The following IL1RAPL1 variants were observed in gnomAD, a reference collection of about 807,000 sequenced individuals.
IL1RAPL1 encodes the protein interleukin 1 receptor accessory protein like 1, also known as interleukin-1 receptor accessory protein-like 1.
A neutral mutation model predicts 48.4 loss-of-function variants in IL1RAPL1; 3 were observed. The ratio of observed to expected loss-of-function variants is 0.06; its 90% CI spans 0.03 to 0.16. IL1RAPL1 has a LOEUF of 0.16. IL1RAPL1 is among the 10% of genes least tolerant of loss of function. The pLI, the probability that IL1RAPL1 is intolerant of heterozygous loss-of-function variation, is 1.00. For synonymous variants in IL1RAPL1, 185 were observed against 187.7 expected (o/e 0.99, Z 0.12); for missense variants, 349 against 530.6 (o/e 0.66, Z 3.36).
chrX:29,120,015 C>T (rs1043024094), intron 2 of IL1RAPL1, among the ~76,000 whole-genome samples: 42 of 111,365 alleles, frequency 3.8e-4, no homozygotes, highest in African/African-American at 1.3e-3. Context: ...AATTCCACCC[C>T]GCTCTGGCCA....
chrX:28,951,155 G>T (rs928689277), intron 2 of IL1RAPL1, among the ~76,000 whole-genome samples: 1 of 98,528 alleles, frequency 1.0e-5, no homozygotes, highest in Non-Finnish European at 2.0e-5. Flanking sequence ...ATAGCATTGG[G>T]AGATATACCT....
intron 2 of IL1RAPL1, among the ~76,000 whole-genome samples, chrX:28,841,748 A>G (rs1204581633): frequency 9.0e-6 from 1 of 110,729 alleles, no homozygotes; most frequent in African/African-American, 3.3e-5. Context: ...ACAAAAGGCC[A>G]AGTCTGGAAT....
intron 2 of IL1RAPL1, among the ~76,000 whole-genome samples, chrX:29,225,460 C>G (rs1182872718): frequency 8.9e-6 from 1 of 111,862 alleles, no homozygotes; most frequent in Non-Finnish European, 1.9e-5. Flanking sequence ...TGTTAAACTG[C>G]AAATTCGGAT....
chrX:29,937,915 C>T (rs146253529), intron 8 of IL1RAPL1, among the ~76,000 whole-genome samples: 1,487 of 111,233 alleles, frequency 0.013, 21 homozygotes, highest in African/African-American at 0.045. Context: ...TATCTATGGC[C>T]CAGAAGAATT....
chrX:28,728,121 A>C (rs1389622447), intron 1 of IL1RAPL1, among the ~76,000 whole-genome samples: 1 of 111,843 alleles, frequency 8.9e-6, no homozygotes, highest in African/African-American at 3.2e-5. Context: ...TAGAGTGTAT[A>C]TGAGATTATG....
intron 1 of IL1RAPL1, among the ~76,000 whole-genome samples, chrX:28,770,234 C>T (rs991570435): frequency 1.8e-5 from 2 of 111,523 alleles, no homozygotes; most frequent in African/African-American, 6.5e-5. Context: ...TGGGGAGGAT[C>T]TAGTTTTGAT....
At chrX:29,777,340 G>A (rs747827962) in intron 6 of IL1RAPL1, among the ~76,000 whole-genome samples, 8 of 112,167 alleles carry the variant, frequency 7.1e-5, no homozygotes, top group Non-Finnish European at 1.5e-4. Context: ...TGCCTTGAAA[G>A]CAAGGGCAAA....
chrX:29,437,245 C>T (rs977551980), intron 5 of IL1RAPL1, among the ~76,000 whole-genome samples: 13 of 110,475 alleles, frequency 1.2e-4, no homozygotes, highest in Admixed American at 1.1e-3. Context: ...CAATACATAG[C>T]TGTTAATAAT....
intron 3 of IL1RAPL1, among the ~76,000 whole-genome samples, chrX:29,289,307 G>A (rs779444748): frequency 1.1e-4 from 12 of 112,248 alleles, no homozygotes; most frequent in Non-Finnish European, 2.3e-4. Flanking sequence ...TGGATGTCCA[G>A]TTGTCCCAGC....
At chrX:29,226,201 T>A (rs1234844705) in intron 2 of IL1RAPL1, among the ~76,000 whole-genome samples, 2 of 111,824 alleles carry the variant, frequency 1.8e-5, no homozygotes, top group Admixed American at 1.9e-4. Context: ...AGTTGTTGTG[T>A]ACAATATTTA....
At chrX:29,485,194 C>T (rs143730421) in intron 5 of IL1RAPL1, among the ~76,000 whole-genome samples, 1,205 of 111,685 alleles carry the variant, frequency 0.011, 6 homozygotes, top group Non-Finnish European at 0.016. Context: ...AAGTATTTTA[C>T]TTTATTATAA....
intron 6 of IL1RAPL1, among the ~76,000 whole-genome samples, chrX:29,716,200 A>G (rs1333433508): frequency 5.4e-5 from 6 of 111,423 alleles, no homozygotes; most frequent in Non-Finnish European, 1.1e-4. Flanking sequence ...TGTCCCTTCA[A>G]ATTTGTCCAG....
At chrX:29,248,155 C>A (rs764003213) in intron 2 of IL1RAPL1, among the ~76,000 whole-genome samples, 1 of 112,077 alleles carries the variant, frequency 8.9e-6, no homozygotes, top group South Asian at 3.8e-4. Context: ...GTGGCTCACA[C>A]TAGTAATCCC....
chrX:29,024,990 C>T (rs1322625059), intron 2 of IL1RAPL1, among the ~76,000 whole-genome samples: 1 of 111,537 alleles, frequency 9.0e-6, no homozygotes, highest in African/African-American at 3.2e-5. Flanking sequence ...CAGCCCTAGG[C>T]AACCACTAAT....
intron 5 of IL1RAPL1, among the ~76,000 whole-genome samples, chrX:29,425,798 C>T (rs1419068826): frequency 9.1e-6 from 1 of 110,278 alleles, no homozygotes; most frequent in Non-Finnish European, 1.9e-5. Flanking sequence ...TAATCTCGAA[C>T]TCCTGGGCTC....
At chrX:29,036,938 T>C (rs1039099080) in intron 2 of IL1RAPL1, among the ~76,000 whole-genome samples, 50 of 112,035 alleles carry the variant, frequency 4.5e-4, no homozygotes, top group Non-Finnish European at 8.3e-4. Context: ...AATATTGTAT[T>C]ACTCGAAACA....
intron 2 of IL1RAPL1, among the ~76,000 whole-genome samples, chrX:29,087,382 C>T (rs1226201622): frequency 9.1e-6 from 1 of 110,236 alleles, no homozygotes; most frequent in Non-Finnish European, 1.9e-5. Context: ...GTGATCTGCC[C>T]GCCTCGGCCT....
intron 1 of IL1RAPL1, among the ~76,000 whole-genome samples, chrX:28,588,274 G>A (rs1230429772): frequency 1.8e-5 from 2 of 108,917 alleles, no homozygotes; most frequent in African/African-American, 6.7e-5. Flanking sequence ...GTGTGTATAT[G>A]TATGTGTGCC....
intron 1 of IL1RAPL1, among the ~76,000 whole-genome samples, chrX:28,785,398 T>A (rs780564636): frequency 4.5e-5 from 5 of 112,322 alleles, no homozygotes; most frequent in African/African-American, 6.5e-5. Context: ...AATGTTAGGA[T>A]TACAGGCGTG....
Sources: allele counts gnomAD v4.1 joint callset (sites outside exome capture counted in the v4.1 genomes callset), GRCh38; gene constraint gnomAD v4.1.1; transcripts MANE v1.5; gene names NCBI Gene and HGNC (gene_info 2026-07-23, HGNC 2026-07-21).